The following NOS1AP variants were observed in gnomAD, a reference collection of about 807,000 sequenced individuals.
NOS1AP encodes the protein nitric oxide synthase 1 adaptor protein.
A neutral mutation model predicts 56.2 loss-of-function variants in NOS1AP; 21 were observed. The observed-to-expected ratio is 0.37, with a 90% confidence interval of 0.26 to 0.54. NOS1AP has a LOEUF of 0.54. Among genes scored for constraint, NOS1AP ranks in the 20% least tolerant of loss-of-function variants. The pLI, the probability that NOS1AP is intolerant of heterozygous loss-of-function variation, is 0.84. For missense variants in NOS1AP, 522 were observed against 657.8 expected, an observed-to-expected ratio of 0.79 and a Z score of 2.26; for synonymous variants, 270 against 274.6, an observed-to-expected ratio of 0.98 and a Z score of 0.17.
At position 162,297,721 on chromosome 1, in the gene NOS1AP, TG is replaced by T. The variant is rs1269048929; in HGVS notation, c.271-2911del. On this transcript the variant is annotated intron_variant, in intron 3 of 9. Transcript: ENST00000361897. The stretch of plus-strand genomic sequence containing the variant: ...TGTAGTTTAAAAAGAAAAAAAAACA[TG>T]ATAGATATAGGAACCAGACTTTTGC... Among the ~76,000 whole-genome samples, 5 of 152,044 alleles carry T rather than the reference TG, an allele frequency of 3.3e-5. No homozygotes were observed. The East Asian group carries it at 9.6e-4, about 29-fold the overall frequency.
At chr1:162,306,685 T>G (rs1655840911) in intron 4 of NOS1AP, among the ~76,000 whole-genome samples, 1 of 152,174 alleles carries the variant, frequency 6.6e-6, no homozygotes, top group Non-Finnish European at 1.5e-5. Context: ...ACCTATAATC[T>G]CAGCACTTTG....
At chr1:162,329,740 C>T (rs1280943450) in intron 4 of NOS1AP, among the ~76,000 whole-genome samples, 2 of 152,160 alleles carry the variant, frequency 1.3e-5, no homozygotes, top group Non-Finnish European at 2.9e-5. Flanking sequence ...ACCCAAGAGA[C>T]ATTAATTTGC....
At chr1:162,112,021 C>T (rs1647729613) in intron 1 of NOS1AP, among the ~76,000 whole-genome samples, 1 of 152,204 alleles carries the variant, frequency 6.6e-6, no homozygotes, top group Non-Finnish European at 1.5e-5. Flanking sequence ...GGCCAGTGCT[C>T]CTTCGTGCTC....
intron 1 of NOS1AP, among the ~76,000 whole-genome samples, chr1:162,106,419 G>A (rs889323635): frequency 2.0e-5 from 3 of 152,050 alleles, no homozygotes; most frequent in South Asian, 4.2e-4. Flanking sequence ...GCTTCCAATC[G>A]ACCCAATGGT....
intron 2 of NOS1AP, among the ~76,000 whole-genome samples, chr1:162,179,141 G>A (rs949354698): frequency 6.6e-6 from 1 of 152,062 alleles, no homozygotes; most frequent in Admixed American, 6.6e-5. Context: ...GTATCTCGTA[G>A]TTACTGGGTA....
intron 2 of NOS1AP, among the ~76,000 whole-genome samples, chr1:162,206,242 A>G (rs1047529755): frequency 1.3e-5 from 2 of 150,832 alleles, no homozygotes; most frequent in Non-Finnish European, 2.9e-5. Flanking sequence ...GGCATTTCAA[A>G]TCTATTTCTC....
chr1:162,214,703 AT>A (rs2101650632), intron 2 of NOS1AP, among the ~76,000 whole-genome samples: 1 of 151,890 alleles, frequency 6.6e-6, no homozygotes, highest in Non-Finnish European at 1.5e-5. Context: ...TATATTGTAT[AT>A]TTGTTATTGT....
intron 2 of NOS1AP, among the ~76,000 whole-genome samples, chr1:162,171,351 C>T (rs1238105527): frequency 6.6e-6 from 1 of 152,152 alleles, no homozygotes; most frequent in African/African-American, 2.4e-5. Flanking sequence ...AGGAATGGCA[C>T]ATGACTTTCT....
chr1:162,256,890 A>G (rs1235257161), intron 2 of NOS1AP, among the ~76,000 whole-genome samples: 1 of 152,120 alleles, frequency 6.6e-6, no homozygotes, highest in Admixed American at 6.5e-5. Context: ...TTAAGAAATC[A>G]CTTCTTTGAG....
intron 2 of NOS1AP, among the ~76,000 whole-genome samples, chr1:162,204,085 T>A (rs1282205130): frequency 6.7e-6 from 1 of 149,462 alleles, no homozygotes; most frequent in African/African-American, 2.5e-5. Flanking sequence ...TGTTAGTGCG[T>A]GCCCATTTGT....
intron 2 of NOS1AP, among the ~76,000 whole-genome samples, chr1:162,273,706 G>C (rs547215893): frequency 2.0e-5 from 3 of 152,224 alleles, no homozygotes; most frequent in Admixed American, 1.3e-4. Context: ...AATTGATTTT[G>C]GGGGTATAGT....
At chr1:162,301,253 G>A (rs114844344) in intron 4 of NOS1AP, among the ~76,000 whole-genome samples, 2 of 152,080 alleles carry the variant, frequency 1.3e-5, no homozygotes, top group African/African-American at 2.4e-5. Context: ...ACCTTTGGGG[G>A]TGATTAAGTC....
intron 2 of NOS1AP, among the ~76,000 whole-genome samples, chr1:162,209,386 G>A (rs114115616): frequency 0.012 from 1,828 of 152,262 alleles, 23 homozygotes; most frequent in Non-Finnish European, 0.019. Flanking sequence ...ATAGAAGGGC[G>A]ATAGGATAGC....
At chr1:162,312,047 G>T (rs1656052061) in intron 4 of NOS1AP, among the ~76,000 whole-genome samples, 1 of 147,438 alleles carries the variant, frequency 6.8e-6, no homozygotes, top group Non-Finnish European at 1.5e-5. Context: ...AAACATACGT[G>T]TGCATGTGTC....
chr1:162,343,763 C>A, intron 5 of NOS1AP, 72 bp from the exon 6 acceptor site: 1 of 1,561,714 alleles, frequency 6.4e-7, no homozygotes, highest in Non-Finnish European at 8.8e-7. Flanking sequence ...TCTTTGGCTG[C>A]TTCATGAGTT....
At chr1:162,360,652 A>C (rs1310620636) in intron 8 of NOS1AP, 1 of 362,568 alleles carries the variant, frequency 2.8e-6, no homozygotes, top group Admixed American at 3.5e-5. Context: ...CTGTAGTTAG[A>C]GGAACAGTGC....
At position 162,367,266 on chromosome 1, in the gene NOS1AP, G is replaced by A; in HGVS notation, c.1320G>A (p.Pro440=). The A allele has an allele frequency of 1.9e-6, 3 of 1,613,564 alleles. No homozygotes were observed. The highest frequency in any genetic ancestry group is 1.1e-5 in the South Asian group (1 of 91,080). ...CFRFLPPEDT[P]PPAQGEALLG... The stretch of plus-strand genomic sequence containing the variant: ...GCTTTCTTCCGCCCGAGGACACCCC[G>A]CCCCCAGCGCAGGGCGAGGCGCTCC... The change falls in exon 10 of 10, where the codon CCG becomes CCA. Residue 440 remains proline, a synonymous_variant. Transcript: ENST00000361897. This position sits in a 1 kb window ranked among gnomAD's most constrained non-coding sequence, Gnocchi z 6.5.
intron 1 of NOS1AP, among the ~76,000 whole-genome samples, chr1:162,098,577 G>A (rs1340151483): frequency 6.7e-6 from 1 of 148,304 alleles, no homozygotes; most frequent in Admixed American, 6.7e-5. Flanking sequence ...AGGTAAATGT[G>A]TACCATGGTG....
At chr1:162,193,591 G>T (rs1174793625) in intron 2 of NOS1AP, among the ~76,000 whole-genome samples, 3 of 152,112 alleles carry the variant, frequency 2.0e-5, no homozygotes, top group African/African-American at 7.2e-5. Flanking sequence ...CTGAATGTTT[G>T]TCTATCTTGC....
Sources: gnomAD v4.1 joint callset for allele counts (sites outside exome capture counted in the v4.1 genomes callset) on GRCh38, gnomAD v4.1.1 for gene constraint, Gnocchi (gnomAD v3.1) non-coding constraint, MANE v1.5 for transcripts, NCBI Gene and HGNC (gene_info 2026-07-23, HGNC 2026-07-21) for gene names.